Variants in DENND1A observed in about 807,000 individuals in gnomAD.
The protein encoded by DENND1A is DENN domain containing 1A.
A neutral mutation model predicts 113.7 loss-of-function variants in DENND1A; 51 were observed. That is an observed-to-expected ratio of 0.45 (90% CI 0.36 to 0.57). The LOEUF (loss-of-function observed/expected upper bound fraction) is 0.57. Among genes scored for constraint, DENND1A ranks in the 20% least tolerant of loss-of-function variants. DENND1A has a pLI of 0.00. For missense variants in DENND1A, 1,258 were observed against 1,395.9 expected (o/e 0.90, Z 1.57); for synonymous variants, 565 against 570.8 (o/e 0.99, Z 0.14).
chr9:123,785,901 C>A (rs564951034), intron 3 of DENND1A, among the ~76,000 whole-genome samples: 1 of 152,234 alleles, frequency 6.6e-6, no homozygotes, highest in Non-Finnish European at 1.5e-5. Context: ...ACCCAAGAAT[C>A]AACAGTGACT....
In DENND1A at chr9:123,462,301, A is replaced by C. The variant is rs76872028; in HGVS notation, c.994-4404T>G. ...TTCATGAAGTCGAAATTACACTCAA[A>C]TTTTACAGAGGAATAACTGAGGTAA... On this transcript the variant is annotated intron_variant, in intron 13 of 23. Transcript: ENST00000394215. Among the ~76,000 whole-genome samples the C allele has an allele frequency of 4.4e-3, 673 of 152,362 alleles. 4 individuals are homozygous for C. Among genetic ancestry groups the C allele is most frequent in the African/African-American group, 0.015 (638 of 41,582 alleles).
chr9:123,886,222 C>T (rs1230406997), intron 1 of DENND1A, among the ~76,000 whole-genome samples: 1 of 151,896 alleles, frequency 6.6e-6, no homozygotes, highest in Non-Finnish European at 1.5e-5. Flanking sequence ...ATTGATCACT[C>T]TGCTGGATCA....
At chr9:123,880,098 T>C (rs772321157) in intron 1 of DENND1A, among the ~76,000 whole-genome samples, 4 of 152,228 alleles carry the variant, frequency 2.6e-5, no homozygotes, top group Non-Finnish European at 5.9e-5. Flanking sequence ...CTGCAACCTC[T>C]GCTTCCCAGG....
chr9:123,746,867 T>C (rs994907330), intron 5 of DENND1A, among the ~76,000 whole-genome samples: 2 of 152,166 alleles, frequency 1.3e-5, no homozygotes, highest in African/African-American at 4.8e-5. Flanking sequence ...GCTATATTTT[T>C]CATATACTAA....
rs148790002 is a variant in DENND1A, at chr9:123,891,958, G to T, written c.18-12937C>A. On this transcript the variant is annotated intron_variant, in intron 1 of 23. Coordinates refer to ENST00000394215, the MANE Select transcript of DENND1A (RefSeq NM_001352964.2). ...TCCAGATTATGGTGCAAGGAGGGGG[G>T]ACCTAAGCAAAGCCCAGCAAACACC... 1.5e-4 allele frequency among the ~76,000 whole-genome samples: 23 copies of T among 152,216 alleles called. No homozygotes were observed. The Middle Eastern group carries it at 0.01, about 68-fold the overall frequency.
At chr9:123,616,811 A>G (rs2060672505) in intron 10 of DENND1A, among the ~76,000 whole-genome samples, 1 of 152,248 alleles carries the variant, frequency 6.6e-6, no homozygotes, top group Non-Finnish European at 1.5e-5. Flanking sequence ...CAGTCAGTCA[A>G]CAGGTATCAC....
At chr9:123,523,129 GGTA>G (rs1285169877) in intron 13 of DENND1A, among the ~76,000 whole-genome samples, 3 of 152,202 alleles carry the variant, frequency 2.0e-5, no homozygotes, top group Non-Finnish European at 4.4e-5. Flanking sequence ...TTTCAGGAGG[GGTA>G]AAGGAGGGAG....
At chr9:123,434,489 CAATT>C (rs985990096) in intron 19 of DENND1A, among the ~76,000 whole-genome samples, 10 of 152,220 alleles carry the variant, frequency 6.6e-5, no homozygotes, top group Non-Finnish European at 1.2e-4. Flanking sequence ...CAACAACAAT[CAATT>C]ATTCCTTAAT....
At chr9:123,656,819 A>C (rs1349200711) in intron 8 of DENND1A, among the ~76,000 whole-genome samples, 1 of 152,172 alleles carries the variant, frequency 6.6e-6, no homozygotes, top group Non-Finnish European at 1.5e-5. Context: ...TGGAAAGGAA[A>C]ACCTTGCTTC....
In DENND1A at chr9:123,769,232, C is replaced by T. The variant is rs1019122057; in HGVS notation, c.182+282G>A. On this transcript the variant is annotated intron_variant, in intron 4 of 23. Coordinates refer to ENST00000394215, the MANE Select transcript of DENND1A (RefSeq NM_001352964.2). ...CAATTAAATAGCAAGAGATTAAATA[C>T]CAACCATTCTTAATCACAGTTTAAG... 4.6e-5 allele frequency among the ~76,000 whole-genome samples: 7 copies of T among 152,224 alleles called. 1 individual carries two copies. Among genetic ancestry groups the T allele is most frequent in the Admixed American group, 4.6e-4 (7 of 15,296 alleles).
intron 13 of DENND1A, among the ~76,000 whole-genome samples, chr9:123,498,486 T>G (rs2052148456): frequency 6.6e-6 from 1 of 152,222 alleles, no homozygotes; most frequent in Non-Finnish European, 1.5e-5. Context: ...TCAATCCAGG[T>G]CTCTCTTATC....
At chr9:123,630,511 T>C (rs374969508) in intron 9 of DENND1A, 35 bp from the exon 10 acceptor site, 85 of 1,427,738 alleles carry the variant, frequency 6.0e-5, no homozygotes, top group Middle Eastern at 1.8e-4. Context: ...AATGAACAAA[T>C]CCAAGGGAGG....
chr9:123,522,336 TTTATGAAAATACG>T (rs2054465812), intron 13 of DENND1A, among the ~76,000 whole-genome samples: 1 of 151,868 alleles, frequency 6.6e-6, no homozygotes, highest in South Asian at 2.1e-4. Context: ...TGCCCAGAGG[TTTATGAAAATACG>T]TATCTGAAAA....
chr9:123,805,563 A>G (rs1289971775), intron 2 of DENND1A, among the ~76,000 whole-genome samples: 1 of 151,740 alleles, frequency 6.6e-6, no homozygotes, highest in Non-Finnish European at 1.5e-5. Context: ...CCTCCCGAGT[A>G]GTTGGGATTA....
chr9:123,547,345 C>T lies in DENND1A; in HGVS notation c.993+10225G>A, dbSNP rs371719907. On this transcript the variant is annotated intron_variant, in intron 13 of 23. Coordinates refer to ENST00000394215, the MANE Select transcript of DENND1A (RefSeq NM_001352964.2). The stretch of plus-strand genomic sequence containing the variant: ...GGGAGTTTGGGACCAGCCTGATCAA[C>T]AGGGAGAAACCCTGTTTCTACTAAA... 2.6e-5 allele frequency among the ~76,000 whole-genome samples: 4 copies of T among 152,350 alleles called. No individual in the cohort carries two copies. The South Asian group carries it at 6.2e-4, about 24-fold the overall frequency.
intron 5 of DENND1A, among the ~76,000 whole-genome samples, chr9:123,711,513 G>GTATATATATACATA (rs1554970668): frequency 2.5e-5 from 3 of 120,984 alleles, no homozygotes; most frequent in Admixed American, 8.8e-5. Context: ...ATGTATATAT[G>GTATATATATACATA]TATATATATA....
intron 5 of DENND1A, among the ~76,000 whole-genome samples, chr9:123,701,938 T>C (rs750327144): frequency 3.9e-5 from 6 of 152,194 alleles, no homozygotes; most frequent in Non-Finnish European, 8.8e-5. Context: ...AAACACGTTG[T>C]CACTAAACAG....
At chr9:123,516,592 A>G (rs534239511) in intron 13 of DENND1A, among the ~76,000 whole-genome samples, 2 of 152,222 alleles carry the variant, frequency 1.3e-5, no homozygotes, top group African/African-American at 4.8e-5. Context: ...TGTTAATAAG[A>G]ATGGACAATA....
At chr9:123,919,096 C>T (rs906004803) in intron 1 of DENND1A, among the ~76,000 whole-genome samples, 13 of 152,076 alleles carry the variant, frequency 8.5e-5, no homozygotes, top group Non-Finnish European at 5.9e-5. Flanking sequence ...GTATGAACTT[C>T]GCTGATTCAA....
Sources: gnomAD v4.1 joint callset for allele counts (sites outside exome capture counted in the v4.1 genomes callset) on GRCh38, gnomAD v4.1.1 for gene constraint, MANE v1.5 for transcripts, NCBI Gene and HGNC (gene_info 2026-07-23, HGNC 2026-07-21) for gene names.